The following CEACAM5 variants were observed in gnomAD, a reference collection of about 807,000 sequenced individuals.
CEACAM5 encodes the protein cell adhesion molecule CEACAM5.
Under a neutral mutation model 63.0 loss-of-function variants are expected in CEACAM5, and 52 were observed. The observed-to-expected ratio is 0.83, with a 90% CI of 0.66 to 1.04. The LOEUF is 1.04. CEACAM5 is among the 50% of genes least tolerant of loss of function. CEACAM5 has a pLI of 0.00. For synonymous variants in CEACAM5, 357 were observed against 351.3 expected, an observed-to-expected ratio of 1.02 and a Z score of -0.18; for missense variants, 790 against 864.8, an observed-to-expected ratio of 0.91 and a Z score of 1.08.
intron 2 of CEACAM5, among the ~76,000 whole-genome samples, chr19:41,712,007 C>A (rs1307881135): frequency 6.6e-6 from 1 of 152,188 alleles, no homozygotes; most frequent in Non-Finnish European, 1.5e-5. Flanking sequence ...TGTGTTCCTG[C>A]CCAGGGCTCT....
At chr19:41,714,590 G>T (rs1371277413) in intron 2 of CEACAM5, among the ~76,000 whole-genome samples, 2 of 152,198 alleles carry the variant, frequency 1.3e-5, no homozygotes, top group Non-Finnish European at 2.9e-5. Flanking sequence ...AACAAAGTAG[G>T]ACTGAAGGTG....
rs150911810 is a variant in CEACAM5 at position 41,709,932 on chromosome 19, C to G, written c.317C>G (p.Ser106Cys). Residue 106 changes from serine to cysteine, a missense_variant, in exon 2 of 10, where the codon TCC becomes TGC. By Grantham distance (112) the Ser-to-Cys change is moderately radical. Coordinates refer to ENST00000221992, the MANE Select transcript of CEACAM5 (RefSeq NM_004363.6). ...CGAGAGATAATATACCCCAATGCAT[C>G]CCTGCTGATCCAGAACATCATCCAG... is the stretch of plus-strand genomic sequence containing the variant. ...SGREIIYPNA[S>C]LLIQNIIQND... 524 of 1,613,916 alleles carry G rather than the reference C, an allele frequency of 3.2e-4. No homozygotes were observed. Among genetic ancestry groups the G allele is most frequent in the Non-Finnish European group, 4.1e-4 (488 of 1,179,992 alleles).
Position 41,717,437 on chromosome 19 carries a change from T to G in CEACAM5, c.959-18T>G, listed in dbSNP as rs2072544066. 1 of 1,603,920 alleles carries G rather than the reference T, an allele frequency of 6.2e-7. No individual in the cohort carries two copies. The highest frequency in any genetic ancestry group is 1.1e-5 in the South Asian group (1 of 89,678). ...ACAGGTGCCACACAGGGCAATCTTCTCTCTGTTATCTGCACAGCAGAGCCA... is the reference window on the plus strand; with the variant it reads ...ACAGGTGCCACACAGGGCAATCTTCGCTCTGTTATCTGCACAGCAGAGCCA... On this transcript the variant is annotated intron_variant, in intron 4 of 9. Transcript: ENST00000221992.
rs377525934 is a variant in CEACAM5, at chr19:41,724,181, G to A, written c.2026+3005G>A. On this transcript the variant is annotated intron_variant, in intron 8 of 9. Coordinates refer to ENST00000221992, the MANE Select transcript of CEACAM5 (RefSeq NM_004363.6). ...TCAGGCAAAGATTCAACTTGTTCTT[G>A]TGCATGGATATTCAGCTTTCCCTAT... Among the ~76,000 whole-genome samples, 9 of 152,198 alleles carry A rather than the reference G, an allele frequency of 5.9e-5. 1 individual carries two copies. The highest frequency in any genetic ancestry group is 2.2e-4 in the African/African-American group (9 of 41,518).
At position 41,708,643 on chromosome 19, in the gene CEACAM5, C is replaced by A; in HGVS notation, c.-89C>A. Reference sequence around the variant, plus strand: ...CTCAGGGCAGAGGGAGGAAGGACAGCAGACCAGACAGTCACAGCAGCCTTG... The same window carrying A: ...CTCAGGGCAGAGGGAGGAAGGACAGAAGACCAGACAGTCACAGCAGCCTTG... On this transcript the variant is annotated 5_prime_UTR_variant, in exon 1 of 10. Coordinates refer to ENST00000221992, the MANE Select transcript of CEACAM5 (RefSeq NM_004363.6). 1 of 1,158,026 alleles carries A rather than the reference C, an allele frequency of 8.6e-7. No individual in the cohort carries two copies. The highest frequency in any genetic ancestry group is 1.3e-6 in the Non-Finnish European group (1 of 785,034). The allele number at this position is 1,158,026 out of a possible 1,614,324, so 71.7% of individuals were successfully genotyped here.
At chr19:41,728,786 C>CAA (rs55647539) in intron 9 of CEACAM5, among the ~76,000 whole-genome samples, 11 of 73,274 alleles carry the variant, frequency 1.5e-4, no homozygotes, top group East Asian at 4.3e-4. Flanking sequence ...GACTCCGTCT[C>CAA]AAAAAAAAAA....
chr19:41,710,526 T>C (rs1256314972), intron 2 of CEACAM5, among the ~76,000 whole-genome samples: 1 of 152,204 alleles, frequency 6.6e-6, no homozygotes, highest in Non-Finnish European at 1.5e-5. Context: ...CTGTGGCTCC[T>C]GGAGCTGGAT....
At chr19:41,716,011 C>T in intron 4 of CEACAM5, 107 bp downstream of exon 4, 1 of 1,307,144 alleles carries the variant, frequency 7.7e-7, no homozygotes, top group Non-Finnish European at 1.1e-6. Flanking sequence ...GTCCAGTGGG[C>T]ACAAGCAAAT....
chr19:41,719,995 G>A lies in CEACAM5; in HGVS notation c.1558G>A (p.Ala520Thr), dbSNP rs2072592695. Residue 520 changes from alanine (A) to threonine (T), a missense_variant, in exon 7 of 10, where the codon GCC (alanine) becomes ACC (threonine). By Grantham distance (58) the Ala-to-Thr change is moderately conservative. Coordinates refer to ENST00000221992, the MANE Select transcript of CEACAM5 (RefSeq NM_004363.6). ...SKPVEDKDAVAFTCEPEAQNT... is the reference protein window; with the variant it reads ...SKPVEDKDAVTFTCEPEAQNT... ...ACCCGTGGAGGACAAGGATGCTGTG[G>A]CCTTCACCTGTGAACCTGAGGCTCA... The A allele has an allele frequency of 6.2e-7, 1 of 1,614,190 alleles. No individual in the cohort carries two copies. The highest frequency in any genetic ancestry group is 8.5e-7 in the Non-Finnish European group (1 of 1,180,048).
At chr19:41,718,871 TC>T (rs2072572079) in intron 6 of CEACAM5, among the ~76,000 whole-genome samples, 1 of 152,204 alleles carries the variant, frequency 6.6e-6, no homozygotes, top group African/African-American at 2.4e-5. Flanking sequence ...CGCTCCGGGC[TC>T]CCCCAGTGAC....
At chr19:41,730,461 T>A (rs543717215), downstream of CEACAM5, among the ~76,000 whole-genome samples, 1 of 152,084 alleles carries the variant, frequency 6.6e-6, no homozygotes, top group South Asian at 2.1e-4. Flanking sequence ...CTACTCTTGC[T>A]GCAGTTATGA....
At position 41,708,782 on chromosome 19, in the gene CEACAM5, G is replaced by C. The variant is rs200859918; in HGVS notation, c.51G>C (p.Arg17Ser). 1.9e-6 allele frequency: 3 copies of C among 1,611,692 alleles called. No individual in the cohort carries two copies. The South Asian group carries it at 3.3e-5, about 18-fold the overall frequency. The change falls in exon 1 of 10, where the codon AGG becomes AGC. Residue 17 changes from arginine to serine, a missense_variant. Arg to Ser is a moderately radical substitution (Grantham distance 110). Coordinates refer to ENST00000221992, the MANE Select transcript of CEACAM5 (RefSeq NM_004363.6). ...PPHRWCIPWQ[R>S]LLLTASLLTF... ...ACAGATGGTGCATCCCCTGGCAGAG[G>C]CTCCTGCTCACAGGTGAAGGGAGGA...
chr19:41,720,140 C>T lies in CEACAM5; in HGVS notation c.1703C>T (p.Ala568Val). ...LFNVTRNDAR[A>V]YVCGIQNSVS... is the part of the protein sequence containing the mutation. ...AATGTCACAAGAAATGACGCAAGAG[C>T]CTATGTATGTGGAATCCAGAACTCA... Residue 568 changes from alanine (A) to valine (V), a missense_variant, in exon 7 of 10, where the codon GCC becomes GTC. Ala to Val is a moderately conservative substitution (Grantham distance 64, BLOSUM62 0). Transcript: ENST00000221992. The T allele has an allele frequency of 6.2e-7, 1 of 1,614,232 alleles. No individual in the cohort carries two copies. The highest frequency in any genetic ancestry group is 1.6e-4 in the Middle Eastern group (1 of 6,062).
chr19:41,729,945 T>C lies in CEACAM5; in HGVS notation c.*798T>C, dbSNP rs532749343. On this transcript the variant is annotated 3_prime_UTR_variant, in exon 10 of 10. Coordinates refer to ENST00000221992, the MANE Select transcript of CEACAM5 (RefSeq NM_004363.6). ...GACAGAATACATTTGAAAACATTGG[T>C]TATATTACCAAGACTTTGACTAGAA... The C allele has an allele frequency of 1.6e-4, 24 of 152,274 alleles. No homozygotes were observed. Among genetic ancestry groups the C allele is most frequent in the African/African-American group, 4.8e-4 (20 of 41,542 alleles). 9.4% of individuals were successfully genotyped at this position (152,274 alleles called of 1,614,324 possible).
rs1245379237 is a variant in CEACAM5, at chr19:41,729,210, C to T, written c.*63C>T. The T allele has an allele frequency of 6.6e-6, 1 of 152,144 alleles. No homozygotes were observed. Among genetic ancestry groups the T allele is most frequent in the African/African-American group, 2.4e-5 (1 of 41,432 alleles). The allele number at this position is 152,144 out of a possible 1,614,324, so 9.4% of individuals were successfully genotyped here. ...CAGTTGTTTTGCTTCTTCCTTAAAG[C>T]ATTTGCAACAGCTACAGTCTAAAAT... On this transcript the variant is annotated 3_prime_UTR_variant, in exon 10 of 10. Coordinates refer to ENST00000221992, the MANE Select transcript of CEACAM5 (RefSeq NM_004363.6).
At chr19:41,711,763 C>T (rs2072439223) in intron 2 of CEACAM5, among the ~76,000 whole-genome samples, 1 of 152,096 alleles carries the variant, frequency 6.6e-6, no homozygotes, top group African/African-American at 2.4e-5. Context: ...CTCTTCATTC[C>T]AGCTGAGATG....
In CEACAM5 at chr19:41,728,786, C is replaced by CAAAAA. The variant is rs55647539; in HGVS notation, c.*37-383_*37-379dup. 9.0e-4 allele frequency among the ~76,000 whole-genome samples: 66 copies of CAAAAA among 73,250 alleles called. 1 individual carries two copies. The highest frequency in any genetic ancestry group is 1.1e-3 in the South Asian group (2 of 1,818). The allele number at this position is 73,250 out of a possible 152,430, so 48.1% of individuals were successfully genotyped here. A position where few individuals can be genotyped will look rare whatever the true frequency, so the allele number is the denominator to read the frequency against. ...TGGGCGACAGAGCAAGACTCCGTCT[C>CAAAAA]AAAAAAAAAAAAAAAAAAAGAATTG... On this transcript the variant is annotated intron_variant, in intron 9 of 9. Transcript: ENST00000221992.
intron 8 of CEACAM5, 98 bp from the exon 9 acceptor site, chr19:41,727,136 G>C: frequency 1.1e-6 from 1 of 894,126 alleles, no homozygotes; most frequent in Non-Finnish European, 1.9e-6. Flanking sequence ...GCAACAAGTA[G>C]AGACTGCTTC....
Position 41,718,297 on chromosome 19 carries a change from G to A in CEACAM5, c.1407G>A (p.Glu469=), listed in dbSNP as rs1555815441. The A allele has an allele frequency of 1.2e-6, 2 of 1,614,158 alleles. No homozygotes were observed. The highest frequency in any genetic ancestry group is 1.7e-5 in the Admixed American group (1 of 60,014). The change falls in exon 6 of 10, where the codon GAG becomes GAA. Residue 469 remains glutamate, a synonymous_variant. Coordinates refer to ENST00000221992, the MANE Select transcript of CEACAM5 (RefSeq NM_004363.6). ...TQELFISNIT[E]KNSGLYTCQA... is the part of the protein sequence containing the mutation. ...AGCTCTTTATCTCCAACATCACTGA[G>A]AAGAACAGCGGACTCTATACCTGCC...
Sources: allele counts gnomAD v4.1 joint callset (sites outside exome capture counted in the v4.1 genomes callset), GRCh38; gene constraint gnomAD v4.1.1; transcripts MANE v1.5; gene names NCBI Gene and HGNC (gene_info 2026-07-23, HGNC 2026-07-21).